The following ZNF44 variants were observed in gnomAD, a reference collection of about 807,000 sequenced individuals.
ZNF44 encodes gonadotropin inducible transcription repressor-2.
ZNF44 carries 9 observed loss-of-function variants against 11.7 expected under a neutral mutation model. That is an observed-to-expected ratio of 0.77 (90% CI 0.46 to 1.35). The LOEUF (loss-of-function observed/expected upper bound fraction) is 1.35, where lower values mean the gene tolerates loss of function less well. Among genes scored for constraint, ZNF44 ranks in the 40% most tolerant of loss-of-function variants. ZNF44 has a pLI of 0.00. For synonymous variants in ZNF44, 224 were observed against 242.7 expected (o/e 0.92, Z 0.72); for missense variants, 696 against 743.1 (o/e 0.94, Z 0.74).
chr19:12,260,791 G>A (rs983945808), intron 5 of ZNF44, among the ~76,000 whole-genome samples: 3 of 152,120 alleles, frequency 2.0e-5, no homozygotes, highest in African/African-American at 4.8e-5. Flanking sequence ...CTCAACAATG[G>A]AAGAAACACA....
chr19:12,239,131 T>C (rs1056133842), upstream of ZNF44, among the ~76,000 whole-genome samples: 34 of 152,106 alleles, frequency 2.2e-4, no homozygotes, highest in Admixed American at 2.2e-3. Flanking sequence ...CAGATTTTTT[T>C]AGAGGGAGTC....
chr19:12,227,850 TTA>T (rs1324391391), intron 3 of ZNF44, among the ~76,000 whole-genome samples: 1 of 152,232 alleles, frequency 6.6e-6, no homozygotes, highest in African/African-American at 2.4e-5. Context: ...CTGTATGATT[TTA>T]TACCAAATAT....
chr19:12,292,194 G>A (rs1208308966), intron 1 of ZNF44, among the ~76,000 whole-genome samples: 3 of 151,772 alleles, frequency 2.0e-5, no homozygotes, highest in Non-Finnish European at 4.4e-5. Flanking sequence ...AGGGCATGGT[G>A]GGCATTCCCA....
chr19:12,294,573 C>T (rs555750019), intron 1 of ZNF44, 119 bp downstream of exon 1: 6 of 1,365,164 alleles, frequency 4.4e-6, no homozygotes, highest in Admixed American at 2.3e-5. Context: ...GCGCAGGGGG[C>T]GCTCAGGTCC....
In ZNF44 at chr19:12,254,444, G is replaced by A. The variant is rs372344809; in HGVS notation, c.1913-4076C>T. Among the ~76,000 whole-genome samples the A allele has an allele frequency of 9.0e-4, 137 of 152,264 alleles. 4 individuals carry two copies. The South Asian group carries it at 0.026, about 29-fold the overall frequency. ...CTCATAGAACTATTTTTACCTAAATGAATGAAAGGCTGGGCCTGGTGGCTC... is the reference window on the plus strand; with the variant it reads ...CTCATAGAACTATTTTTACCTAAATAAATGAAAGGCTGGGCCTGGTGGCTC... On this transcript the variant is annotated intron_variant and NMD_transcript_variant, in intron 5 of 7. Coordinates refer to the ZNF44 transcript ENST00000393337.
At chr19:12,248,259 T>C (rs1194308187) in exon 8 of ZNF44, 11 of 1,298,230 alleles carry the variant, frequency 8.5e-6, no homozygotes, top group South Asian at 3.7e-5. Flanking sequence ...TCGGAATGCT[T>C]TTCCACATTC....
At chr19:12,290,742 T>A (rs1967976625) in intron 1 of ZNF44, among the ~76,000 whole-genome samples, 1 of 151,504 alleles carries the variant, frequency 6.6e-6, no homozygotes. Flanking sequence ...AAATAAATTT[T>A]AAAAAAAGCT....
At chr19:12,266,564 A>C (rs1917738206) in intron 5 of ZNF44, among the ~76,000 whole-genome samples, 1 of 152,174 alleles carries the variant, frequency 6.6e-6, no homozygotes, top group South Asian at 2.1e-4. Flanking sequence ...TGGGGGACAC[A>C]GTGCAGAGAG....
intron 5 of ZNF44, chr19:12,260,192 C>A: frequency 1.3e-6 from 1 of 770,896 alleles, no homozygotes; most frequent in South Asian, 1.4e-5. Context: ...AGGACTATGC[C>A]GACCTACAGC....
rs1417666773 is a variant in ZNF44 at position 12,273,615 on chromosome 19, T to C, written c.640A>G (p.Met214Val). The change falls in exon 4 of 4, where the codon ATG becomes GTG. Residue 214 changes from methionine (M) to valine (V), a missense_variant. Met to Val is a conservative substitution (Grantham distance 21, BLOSUM62 1). Coordinates refer to ENST00000355684, the MANE Select transcript of ZNF44 (RefSeq NM_016264.4). ...TCTCCAGTGTGAGTTCTTTCATGCA[T>C]ACGTAATAAACTGGGCCAAAAAAAG... ...KAFFWPSLLR[M>V]HERTHTGEKP... The C allele has an allele frequency of 1.9e-6, 3 of 1,614,204 alleles. No homozygotes were observed. Among genetic ancestry groups the C allele is most frequent in the East Asian group, 4.5e-5 (2 of 44,872 alleles).
Position 12,273,324 on chromosome 19 carries a change from A to C in ZNF44, c.931T>G (p.Cys311Gly). Residue 311 changes from cysteine to glycine, a missense_variant, in exon 4 of 4, where the codon TGT becomes GGT. Coordinates refer to ENST00000355684, the MANE Select transcript of ZNF44 (RefSeq NM_016264.4). Reference protein sequence around the residue: ...RIHTGEKPYTCKQCGKAFCHL... With the variant: ...RIHTGEKPYTGKQCGKAFCHL... ...CAAAACGCTTTCCCACACTGTTTAC[A>C]TGTATAGGGTTTCTCTCCAGTGTGA... is the stretch of plus-strand genomic sequence containing the variant. 1.2e-6 allele frequency: 2 copies of C among 1,613,924 alleles called. No individual in the cohort carries two copies. The highest frequency in any genetic ancestry group is 1.7e-4 in the Middle Eastern group (1 of 6,060).
At chr19:12,254,745 A>C (rs1346026985) in intron 5 of ZNF44, among the ~76,000 whole-genome samples, 1 of 151,130 alleles carries the variant, frequency 6.6e-6, no homozygotes, top group Non-Finnish European at 1.5e-5. Context: ...AAAAATAATA[A>C]TAATAATAAT....
intron 5 of ZNF44, chr19:12,266,401 G>A (rs1196226324): frequency 2.1e-6 from 2 of 947,656 alleles, no homozygotes; most frequent in East Asian, 1.2e-4. Context: ...AGCGACCCGA[G>A]GGCGCCAAGG....
intron 5 of ZNF44, chr19:12,250,750 C>T (rs890260728): frequency 2.2e-6 from 1 of 456,128 alleles, no homozygotes; most frequent in African/African-American, 2.0e-5. Context: ...ATGGATAATA[C>T]GTGGATGAAT....
At chr19:12,250,394 G>A (rs748303298) in intron 5 of ZNF44, 2 of 1,339,648 alleles carry the variant, frequency 1.5e-6, no homozygotes, top group South Asian at 1.2e-5. Context: ...TGTGTGTAAA[G>A]GAGAATGGGT....
intron 5 of ZNF44, among the ~76,000 whole-genome samples, chr19:12,252,991 G>A (rs778356174): frequency 1.2e-4 from 18 of 145,396 alleles, no homozygotes; most frequent in Non-Finnish European, 2.5e-4. Context: ...GGGTTTAAGC[G>A]ATTCTCCTGC....
At chr19:12,247,311 A>T, downstream of ZNF44, 1 of 1,274,268 alleles carries the variant, frequency 7.8e-7, no homozygotes, top group Non-Finnish European at 1.0e-6. Flanking sequence ...ATGGTATTGT[A>T]AGGATGCACG....
At chr19:12,256,438 G>A (rs143690930) in intron 5 of ZNF44, among the ~76,000 whole-genome samples, 4,933 of 151,952 alleles carry the variant, frequency 0.032, 278 homozygotes, top group African/African-American at 0.11. Flanking sequence ...GCAGTGAGCC[G>A]AGATCCACTG....
intron 5 of ZNF44, among the ~76,000 whole-genome samples, chr19:12,251,809 T>TG (rs1449421903): frequency 6.6e-6 from 1 of 152,062 alleles, no homozygotes; most frequent in Non-Finnish European, 1.5e-5. Context: ...CCCAGCACTT[T>TG]GGGGGGCCGA....
Sources: gnomAD v4.1 joint callset for allele counts (sites outside exome capture counted in the v4.1 genomes callset) on GRCh38, gnomAD v4.1.1 for gene constraint, MANE v1.5 for transcripts, NCBI Gene and HGNC (gene_info 2026-07-23, HGNC 2026-07-21) for gene names.